Variants in TTC16 observed in about 807,000 individuals in gnomAD.
TTC16 encodes tetratricopeptide repeat protein 16.
Under a neutral mutation model 80.4 loss-of-function variants are expected in TTC16, and 66 were observed. The observed-to-expected ratio is 0.82, with a 90% CI of 0.67 to 1.01. The LOEUF is 1.01. Among genes scored for constraint, TTC16 ranks in the 50% least tolerant of loss-of-function variants. The pLI is 0.00. For missense variants in TTC16, 1,070 were observed against 1,103.2 expected (o/e 0.97, Z 0.43); for synonymous variants, 438 against 451.3 (o/e 0.97, Z 0.37).
chr9:127,724,609 G>C, intron 8 of TTC16, 147 bp from the exon 9 acceptor site: 1 of 1,214,662 alleles, frequency 8.2e-7, no homozygotes, highest in Non-Finnish European at 1.1e-6. Context: ...GTGCCCAGAC[G>C]CCCAGAAAAC....
Position 127,730,758 on chromosome 9 carries a change from G to A in TTC16, c.1975G>A (p.Gly659Arg). 6.2e-7 allele frequency: 1 copy of A among 1,613,702 alleles called. No homozygotes were observed. Among genetic ancestry groups the A allele is most frequent in the Non-Finnish European group, 8.5e-7 (1 of 1,180,038 alleles). ...GTTGAAGACGCAATCCTCGGACTCT[G>A]GGAACAACAGGGAGGCACTAAGCCA... is the stretch of plus-strand genomic sequence containing the variant. Reference protein sequence around the residue: ...SLLKTQSSDSGNNREALSHGP... With the variant: ...SLLKTQSSDSRNNREALSHGP... The change falls in exon 14 of 14, where the codon GGG becomes AGG. Residue 659 changes from glycine (G) to arginine (R), a missense_variant. Gly to Arg is a moderately radical substitution (Grantham distance 125, BLOSUM62 -2). Transcript: ENST00000373289.
At chr9:127,724,958 G>A (rs1843814407) in intron 9 of TTC16, 61 bp downstream of exon 9, 1 of 1,435,830 alleles carries the variant, frequency 7.0e-7, no homozygotes, top group Admixed American at 2.9e-5. Flanking sequence ...CGGGCAGGAG[G>A]CCAACTGCTG....
chr9:127,727,797 CA>C (rs5900762), intron 12 of TTC16: 123,015 of 201,124 alleles, frequency 0.61, 39,013 homozygotes, highest in African/African-American at 0.75. Context: ...CTTGCTCTGT[CA>C]ACCTAGGCTG....
chr9:127,716,225 G>C, intron 1 of TTC16, 62 bp downstream of exon 1: 1 of 1,612,536 alleles, frequency 6.2e-7, no homozygotes, highest in Non-Finnish European at 8.5e-7. Context: ...CCGAGGCTGG[G>C]TTCGCAGGAA....
At chr9:127,724,626 G>C in intron 8 of TTC16, 130 bp from the exon 9 acceptor site, 1 of 1,311,866 alleles carries the variant, frequency 7.6e-7, no homozygotes, top group South Asian at 1.5e-5. Flanking sequence ...AAACTAGAGA[G>C]GACGGAGACT....
At chr9:127,723,363 T>C (rs1308384442) in intron 7 of TTC16, 30 bp downstream of exon 7, 1 of 1,596,490 alleles carries the variant, frequency 6.3e-7, no homozygotes, top group South Asian at 1.1e-5. Context: ...TGGCCTTGGG[T>C]CCCAGGTCCT....
rs1293437559 is a variant in TTC16, at chr9:127,723,183, G to C, written c.722G>C (p.Arg241Thr). The C allele has an allele frequency of 6.2e-7, 1 of 1,612,830 alleles. No individual in the cohort carries two copies. The highest frequency in any genetic ancestry group is 1.7e-5 in the Admixed American group (1 of 60,024). The change falls in exon 7 of 14, where the codon AGG (arginine) becomes ACG (threonine). Residue 241 changes from arginine (R) to threonine (T), a missense_variant. Transcript: ENST00000373289. ...TTGAATCCCAAGCACCCGCAGGCCA[G>C]GATGCTGCTCCAGAAGATGGTGGCC... is the stretch of plus-strand genomic sequence containing the variant. ...LLLNPKHPQA[R>T]MLLQKMVAQA...
At position 127,730,783 on chromosome 9, in the gene TTC16, A is replaced by G. The variant is rs746389296; in HGVS notation, c.2000A>G (p.His667Arg). ...GGGAACAACAGGGAGGCACTAAGCCATGGTCCCAGAAAAATCAAGGCCACC... is the reference window on the plus strand; with the variant it reads ...GGGAACAACAGGGAGGCACTAAGCCGTGGTCCCAGAAAAATCAAGGCCACC... ...DSGNNREALSHGPRKIKATQG... is the reference protein window; with the variant it reads ...DSGNNREALSRGPRKIKATQG... The change falls in exon 14 of 14, where the codon CAT becomes CGT. Residue 667 changes from histidine to arginine, a missense_variant. Transcript: ENST00000373289. The G allele has an allele frequency of 1.2e-4, 194 of 1,613,668 alleles. No homozygotes were observed. Among genetic ancestry groups the G allele is most frequent in the Non-Finnish European group, 1.6e-4 (189 of 1,180,040 alleles).
At position 127,727,034 on chromosome 9, in the gene TTC16, T is replaced by G; in HGVS notation, c.1490T>G (p.Ile497Arg). 6.2e-7 allele frequency: 1 copy of G among 1,612,742 alleles called. No homozygotes were observed. The highest frequency in any genetic ancestry group is 8.5e-7 in the Non-Finnish European group (1 of 1,179,970). ...MSVEEVLSTQ[I>R]AHLARLQLEQ... ...GTGGAGGAGGTGCTTAGCACCCAGATAGCCCACCTGGCCAGGCTGCAGCTG... is the reference window on the plus strand; with the variant it reads ...GTGGAGGAGGTGCTTAGCACCCAGAGAGCCCACCTGGCCAGGCTGCAGCTG... Residue 497 changes from isoleucine (I) to arginine (R), a missense_variant, in exon 11 of 14, where the codon ATA (isoleucine) becomes AGA (arginine). By Grantham distance (97) the Ile-to-Arg change is moderately conservative (BLOSUM62 -3). Coordinates refer to ENST00000373289, the MANE Select transcript of TTC16 (RefSeq NM_144965.3).
In TTC16 at chr9:127,720,197, C is replaced by CCCTTCTCCCAGCA. The variant is rs757249343; in HGVS notation, c.527+22_527+34dup. 163 of 1,613,560 alleles carry CCCTTCTCCCAGCA rather than the reference C, an allele frequency of 1.0e-4. No individual in the cohort carries two copies. The highest frequency in any genetic ancestry group is 1.3e-4 in the Non-Finnish European group (158 of 1,180,008). ...ACCGATGGTGAGTGCCCCTGCCAGC[C>CCCTTCTCCCAGCA]CCTTCTCCCAGCACCCACTTCCTGC... On this transcript the variant is annotated intron_variant, in intron 5 of 13. Transcript: ENST00000373289.
chr9:127,726,942 T>G, intron 10 of TTC16, 28 bp from the exon 11 acceptor site: 1 of 1,613,040 alleles, frequency 6.2e-7, no homozygotes, highest in Non-Finnish European at 8.5e-7. Flanking sequence ...GGCCCTCACC[T>G]GGCTCTGGTC....
chr9:127,720,889 CT>C (rs1843442261), intron 6 of TTC16, among the ~76,000 whole-genome samples: 1 of 94,868 alleles, frequency 1.1e-5, no homozygotes, highest in Non-Finnish European at 2.2e-5. Flanking sequence ...CTTCCCCTTC[CT>C]CCCTCCTCCT....
intron 4 of TTC16, among the ~76,000 whole-genome samples, chr9:127,719,197 C>T (rs1237130649): frequency 6.7e-6 from 1 of 148,614 alleles, no homozygotes; most frequent in African/African-American, 2.5e-5. Flanking sequence ...GGTGACAGAA[C>T]AAGATGCTGT....
rs767694016 is a variant in TTC16, at chr9:127,730,757, T to C, written c.1974T>C (p.Ser658=). 4 of 1,613,688 alleles carry C rather than the reference T, an allele frequency of 2.5e-6. No individual in the cohort carries two copies. Among genetic ancestry groups the C allele is most frequent in the Non-Finnish European group, 2.5e-6 (3 of 1,180,032 alleles). Reference sequence around the variant, plus strand: ...TGTTGAAGACGCAATCCTCGGACTCTGGGAACAACAGGGAGGCACTAAGCC... The same window carrying C: ...TGTTGAAGACGCAATCCTCGGACTCCGGGAACAACAGGGAGGCACTAAGCC... The part of the protein sequence containing the change: ...SSLLKTQSSD[S]GNNREALSHG... Residue 658 remains serine (S), a synonymous_variant, in exon 14 of 14, where the codon TCT becomes TCC. Transcript: ENST00000373289.
chr9:127,719,124 C>A (rs1426905150), intron 4 of TTC16, among the ~76,000 whole-genome samples: 1 of 151,608 alleles, frequency 6.6e-6, no homozygotes, highest in Non-Finnish European at 1.5e-5. Context: ...GGCAGGAGAA[C>A]CTCTTGAAAC....
In TTC16 at chr9:127,718,156, C is replaced by T. The variant is rs146466011; in HGVS notation, c.426+384C>T. Among the ~76,000 whole-genome samples, 3,636 of 152,218 alleles carry T rather than the reference C, an allele frequency of 0.024. 149 individuals are homozygous for T. Among genetic ancestry groups the T allele is most frequent in the African/African-American group, 0.082 (3,424 of 41,518 alleles). ...AGGCTGCAGTGCAGTGGCACGATCTCGGCTCACTGCAACCTCTGTCTCTTG... is the reference window on the plus strand; with the variant it reads ...AGGCTGCAGTGCAGTGGCACGATCTTGGCTCACTGCAACCTCTGTCTCTTG... On this transcript the variant is annotated intron_variant, in intron 4 of 13. Coordinates refer to ENST00000373289, the MANE Select transcript of TTC16 (RefSeq NM_144965.3). This position sits in a 1 kb window ranked among gnomAD's most constrained non-coding sequence, Gnocchi z 4.6.
intron 12 of TTC16, chr9:127,727,667 G>C: frequency 8.9e-7 from 1 of 1,119,300 alleles, no homozygotes; most frequent in Admixed American, 3.1e-5. Context: ...GAGGGTGTGT[G>C]GGGATGTGGG....
intron 10 of TTC16, 93 bp downstream of exon 10, chr9:127,726,497 C>T: frequency 1.5e-6 from 2 of 1,365,804 alleles, no homozygotes; most frequent in Non-Finnish European, 1.9e-6. Context: ...GGTTTGATAA[C>T]AATCATAAGG....
chr9:127,724,545 AGACAAACTGGCTCC>A, intron 8 of TTC16, 181 bp downstream of exon 8: 1 of 1,102,890 alleles, frequency 9.1e-7, no homozygotes, highest in Non-Finnish European at 1.3e-6. Flanking sequence ...ATGTTGCCTT[AGACAAACTGGCTCC>A]AGACTCCTTA....
Sources: gnomAD v4.1 joint callset for allele counts (sites outside exome capture counted in the v4.1 genomes callset) on GRCh38, gnomAD v4.1.1 for gene constraint, Gnocchi (gnomAD v3.1) non-coding constraint, MANE v1.5 for transcripts, NCBI Gene and HGNC (gene_info 2026-07-23, HGNC 2026-07-21) for gene names.